Variants in RARB observed in about 807,000 individuals in gnomAD.
RARB encodes the protein retinoic acid receptor beta.
Under a neutral mutation model 51.9 loss-of-function variants are expected in RARB, and 17 were observed. The observed-to-expected ratio is 0.33, with a 90% CI of 0.22 to 0.49. The LOEUF (loss-of-function observed/expected upper bound fraction) is 0.49. Ranked by LOEUF, RARB falls within the 20% of genes least tolerant of loss-of-function variation. The pLI, the probability that RARB is intolerant of heterozygous loss-of-function variation, is 0.99. For missense variants in RARB, 369 were observed against 550.8 expected (o/e 0.67, Z 3.30); for synonymous variants, 215 against 195.4 (o/e 1.10, Z -0.84).
intron 2 of RARB, among the ~76,000 whole-genome samples, chr3:25,000,360 A>G (rs1697133357): frequency 6.6e-6 from 1 of 152,084 alleles, no homozygotes; most frequent in African/African-American, 2.4e-5. Context: ...CATGACCACT[A>G]CCCAGACACT....
intron 5 of RARB, among the ~76,000 whole-genome samples, chr3:25,209,012 G>C (rs1218135233): frequency 6.6e-6 from 1 of 152,226 alleles, no homozygotes; most frequent in African/African-American, 2.4e-5. Flanking sequence ...ATGGCTCCCT[G>C]TGTTGCGACG....
intron 3 of RARB, among the ~76,000 whole-genome samples, chr3:25,063,725 T>A (rs56207240): frequency 0.85 from 127,304 of 149,364 alleles, 54,327 homozygotes; most frequent in African/African-American, 0.88. Context: ...TTTTTTTTTT[T>A]AAAAAGATGA....
chr3:25,084,122 C>A (rs1192507928), intron 3 of RARB, among the ~76,000 whole-genome samples: 2 of 152,076 alleles, frequency 1.3e-5, no homozygotes. Context: ...GGACTTCTTC[C>A]CTATTTGGTA....
At position 24,878,857 on chromosome 3, in the gene RARB, C is replaced by T. The variant is rs560349841; in HGVS notation, c.-380+20105C>T. On this transcript the variant is annotated intron_variant, in intron 2 of 11. Coordinates refer to the RARB transcript ENST00000383772. ...TGCCCGGAGAAAAACCTTACTGTCT[C>T]CTGCCTATAGATAAAGACTTGGTTG... Among the ~76,000 whole-genome samples the T allele has an allele frequency of 3.9e-5, 6 of 152,152 alleles. No homozygotes were observed. In the South Asian group the frequency reaches 1.2e-3, roughly 32 times the overall value.
intron 5 of RARB, among the ~76,000 whole-genome samples, chr3:25,257,459 G>A (rs1171177886): frequency 2.6e-5 from 4 of 152,090 alleles, no homozygotes; most frequent in African/African-American, 4.8e-5. Context: ...CTCTGGAAAA[G>A]TGATTATGAT....
At chr3:24,895,364 G>C (rs1407365683) in intron 2 of RARB, among the ~76,000 whole-genome samples, 1 of 152,124 alleles carries the variant, frequency 6.6e-6, no homozygotes, top group Non-Finnish European at 1.5e-5. Context: ...TTGTACATCA[G>C]AATCACCTGG....
intron 1 of RARB, among the ~76,000 whole-genome samples, chr3:24,841,473 G>T (rs1349827039): frequency 2.0e-5 from 3 of 152,202 alleles, no homozygotes; most frequent in Non-Finnish European, 4.4e-5. Context: ...GTGTGTTGCA[G>T]TTTTGAAATC....
chr3:24,945,898 C>T (rs146225032), intron 2 of RARB, among the ~76,000 whole-genome samples: 2 of 152,334 alleles, frequency 1.3e-5, no homozygotes, highest in African/African-American at 4.8e-5. Flanking sequence ...AAGTCTCCTC[C>T]AAAGTTTATC....
intron 2 of RARB, among the ~76,000 whole-genome samples, chr3:24,949,740 A>G (rs1389474692): frequency 2.0e-5 from 3 of 152,208 alleles, no homozygotes; most frequent in African/African-American, 4.8e-5. Context: ...ACATTACGCT[A>G]CAGTCTCTGA....
intron 5 of RARB, among the ~76,000 whole-genome samples, chr3:25,592,646 G>A (rs929095141): frequency 2.0e-5 from 3 of 152,228 alleles, no homozygotes; most frequent in East Asian, 3.8e-4. Context: ...CTCCTTAGTA[G>A]CTAGCGCCCC....
chr3:25,310,165 C>T (rs1040029974), intron 5 of RARB, among the ~76,000 whole-genome samples: 2 of 152,146 alleles, frequency 1.3e-5, no homozygotes, highest in South Asian at 2.1e-4. Context: ...CTTTTTGGCA[C>T]GGTGACGAGC....
At chr3:25,490,766 A>G (rs1696693483) in intron 2 of RARB, among the ~76,000 whole-genome samples, 2 of 152,164 alleles carry the variant, frequency 1.3e-5, no homozygotes, top group Admixed American at 6.5e-5. Flanking sequence ...GCCGTGTTAT[A>G]CTTAGAGTAA....
At chr3:24,904,728 C>T (rs1249745262) in intron 2 of RARB, among the ~76,000 whole-genome samples, 1 of 152,192 alleles carries the variant, frequency 6.6e-6, no homozygotes, top group East Asian at 1.9e-4. Context: ...TTTACTGCAG[C>T]ACTGTTCACA....
chr3:25,350,865 G>A (rs1705545394), intron 5 of RARB, among the ~76,000 whole-genome samples: 1 of 152,202 alleles, frequency 6.6e-6, no homozygotes, highest in African/African-American at 2.4e-5. Flanking sequence ...ATGTCCCCTT[G>A]TTGCATATGG....
chr3:25,389,826 G>A (rs1700146272), intron 5 of RARB, among the ~76,000 whole-genome samples: 1 of 152,092 alleles, frequency 6.6e-6, no homozygotes, highest in South Asian at 2.1e-4. Context: ...AGTGCATTGG[G>A]GCACAAGGGA....
At chr3:25,443,698 A>T (rs780868411) in intron 1 of RARB, among the ~76,000 whole-genome samples, 1 of 151,880 alleles carries the variant, frequency 6.6e-6, no homozygotes, top group Middle Eastern at 3.2e-3. Context: ...TTGGGAGTCT[A>T]AGGTGGGCAG....
intron 5 of RARB, among the ~76,000 whole-genome samples, chr3:25,396,665 G>C (rs186719720): frequency 2.1e-4 from 32 of 152,232 alleles, no homozygotes; most frequent in African/African-American, 7.5e-4. Context: ...TTAGGGCAGG[G>C]TTAGGTGTGT....
chr3:25,367,330 T>A (rs1172484285), intron 5 of RARB, among the ~76,000 whole-genome samples: 1 of 152,178 alleles, frequency 6.6e-6, no homozygotes, highest in Non-Finnish European at 1.5e-5. Context: ...TTTCTTCCCA[T>A]GTTCTTGTTC....
intron 2 of RARB, among the ~76,000 whole-genome samples, chr3:24,941,383 T>C (rs184850787): frequency 7.3e-4 from 111 of 152,098 alleles, no homozygotes; most frequent in Non-Finnish European, 1.3e-3. Flanking sequence ...TCTTTTTTTT[T>C]TTTTGAGACA....
Sources: gnomAD v4.1 joint callset for allele counts (sites outside exome capture counted in the v4.1 genomes callset) on GRCh38, gnomAD v4.1.1 for gene constraint, MANE v1.5 for transcripts, NCBI Gene and HGNC (gene_info 2026-07-23, HGNC 2026-07-21) for gene names.